The following DOCK9 variants were observed in gnomAD, a reference collection of about 807,000 sequenced individuals.
DOCK9 encodes dedicator of cytokinesis protein 9.
In DOCK9, 89 loss-of-function variants were observed where a neutral mutation model predicts 263.3. The ratio of observed to expected loss-of-function variants is 0.34; its 90% CI spans 0.28 to 0.40. DOCK9 has a LOEUF of 0.40. Among genes scored for constraint, DOCK9 ranks in the 10% least tolerant of loss-of-function variants. The pLI, the probability that DOCK9 is intolerant of heterozygous loss-of-function variation, is 1.00. For missense variants in DOCK9, 2,140 were observed against 2,603.4 expected (o/e 0.82, Z 3.87); for synonymous variants, 976 against 973.1 (o/e 1.00, Z -0.06).
chr13:99,039,807 G>C (rs542420717), intron 1 of DOCK9, among the ~76,000 whole-genome samples: 27 of 152,252 alleles, frequency 1.8e-4, no homozygotes, highest in African/African-American at 6.3e-4. Context: ...CTGTCCTATG[G>C]AGTTAAAAAT....
Position 98,855,976 on chromosome 13 carries a change from C to A in DOCK9, c.3753G>T (p.Ser1251=). Residue 1251 remains serine, a synonymous_variant, in exon 34 of 53, where the codon TCG becomes TCT. Transcript: ENST00000682017. ...PNINSVRNAD[S]RGSLISTDSG... Reference sequence around the variant, plus strand: ...AATCTGTGCTTATGAGAGATCCTCTCGAATCAGCATTTCTCACACTGTTGA... The same window carrying A: ...AATCTGTGCTTATGAGAGATCCTCTAGAATCAGCATTTCTCACACTGTTGA... 1.9e-6 allele frequency: 3 copies of A among 1,613,934 alleles called. No individual in the cohort carries two copies. In the South Asian group the frequency reaches 3.3e-5, roughly 18 times the overall value.
At chr13:98,802,211 T>C (rs143899565) in intron 49 of DOCK9, among the ~76,000 whole-genome samples, 235 of 152,344 alleles carry the variant, frequency 1.5e-3, no homozygotes, top group African/African-American at 5.3e-3. Flanking sequence ...ACCACGGTTA[T>C]ATTTACTCAT....
At position 98,942,238 on chromosome 13, in the gene DOCK9, T is replaced by G. The variant is rs534554206; in HGVS notation, c.244-11981A>C. Reference sequence around the variant, plus strand: ...TGGTTATGTTTTTTTTTTTGTTGTTTTTTTTTTTTGTTTTTTTGAGACAGA... The same window carrying G: ...TGGTTATGTTTTTTTTTTTGTTGTTGTTTTTTTTTGTTTTTTTGAGACAGA... On this transcript the variant is annotated intron_variant, in intron 2 of 52. Coordinates refer to ENST00000682017, the MANE Select transcript of DOCK9 (RefSeq NM_001366683.2). Among the ~76,000 whole-genome samples the G allele has an allele frequency of 2.3e-3, 345 of 150,798 alleles. 2 individuals are homozygous for G. Among genetic ancestry groups the G allele is most frequent in the African/African-American group, 4.3e-3 (177 of 40,956 alleles).
intron 49 of DOCK9, among the ~76,000 whole-genome samples, chr13:98,802,901 C>T (rs780391680): frequency 4.6e-5 from 7 of 152,110 alleles, no homozygotes; most frequent in Non-Finnish European, 8.8e-5. Flanking sequence ...AGCTCAACAG[C>T]GGATGAAATC....
chr13:99,038,139 G>A (rs1368836983), intron 1 of DOCK9, among the ~76,000 whole-genome samples: 2 of 151,908 alleles, frequency 1.3e-5, no homozygotes, highest in African/African-American at 4.8e-5. Context: ...TTGTCTTTAA[G>A]GCAATATTTT....
At chr13:98,962,945 G>T (rs1299447992) in intron 1 of DOCK9, among the ~76,000 whole-genome samples, 1 of 148,622 alleles carries the variant, frequency 6.7e-6, no homozygotes, top group Non-Finnish European at 1.5e-5. Flanking sequence ...ACAGCAGCAG[G>T]GTCTTGGATT....
upstream of DOCK9, among the ~76,000 whole-genome samples, chr13:98,979,240 G>A (rs1373147836): frequency 9.4e-6 from 1 of 105,938 alleles, no homozygotes. Flanking sequence ...AGCAGCAGCG[G>A]CGGCAGCAGC....
rs567351381 is a variant in DOCK9 at position 98,876,181 on chromosome 13, C to G, written c.2943+3717G>C. On this transcript the variant is annotated intron_variant, in intron 27 of 52. Coordinates refer to ENST00000682017, the MANE Select transcript of DOCK9 (RefSeq NM_001366683.2). ...GCTCCTACAACACTGGTGTGTGCCTCGTCATGACACTTCAAGAAAGGTTCC... is the reference window on the plus strand; with the variant it reads ...GCTCCTACAACACTGGTGTGTGCCTGGTCATGACACTTCAAGAAAGGTTCC... Among the ~76,000 whole-genome samples the G allele has an allele frequency of 2.0e-5, 3 of 152,286 alleles. No individual in the cohort carries two copies. In the East Asian group the frequency reaches 5.8e-4, roughly 29 times the overall value.
intron 25 of DOCK9, among the ~76,000 whole-genome samples, chr13:98,880,921 GCCA>G (rs1037975069): frequency 6.6e-6 from 1 of 152,020 alleles, no homozygotes; most frequent in Non-Finnish European, 1.5e-5. Flanking sequence ...CTCCACCTGT[GCCA>G]GGGGCTTCAA....
chr13:99,005,613 T>C (rs1223488080), intron 1 of DOCK9, among the ~76,000 whole-genome samples: 3 of 152,072 alleles, frequency 2.0e-5, no homozygotes, highest in Non-Finnish European at 4.4e-5. Context: ...CTGGGAAAAA[T>C]GGGTAGGAAA....
At chr13:99,026,395 A>G (rs1473297405) in intron 1 of DOCK9, among the ~76,000 whole-genome samples, 2 of 152,240 alleles carry the variant, frequency 1.3e-5, no homozygotes, top group Admixed American at 6.5e-5. Flanking sequence ...TTATCTTTCC[A>G]AAACATATCA....
chr13:98,990,191 TC>T (rs1879472307), intron 1 of DOCK9, among the ~76,000 whole-genome samples: 2 of 152,188 alleles, frequency 1.3e-5, no homozygotes, highest in Non-Finnish European at 2.9e-5. Context: ...TCTAAGGTTT[TC>T]CTTTCTCTCC....
intron 41 of DOCK9, among the ~76,000 whole-genome samples, chr13:98,830,481 G>T (rs1189749008): frequency 2.0e-5 from 3 of 152,194 alleles, no homozygotes; most frequent in African/African-American, 7.2e-5. Flanking sequence ...AATATGCAAT[G>T]ATTTGGATAT....
Position 98,826,001 on chromosome 13 carries a change from A to G in DOCK9, c.5023+829T>C, listed in dbSNP as rs560240600. 6 of 1,346,564 alleles carry G rather than the reference A, an allele frequency of 4.5e-6. No homozygotes were observed. The South Asian group carries it at 9.4e-5, about 21-fold the overall frequency. 83.4% of individuals were successfully genotyped at this position (1,346,564 alleles called of 1,614,324 possible). A position where few individuals can be genotyped will look rare whatever the true frequency, so the allele number is the denominator to read the frequency against. On this transcript the variant is annotated intron_variant, in intron 44 of 52. Coordinates refer to ENST00000682017, the MANE Select transcript of DOCK9 (RefSeq NM_001366683.2). ...CTCAACAGGAAATAGTACCGGTATTAAATGAACATGGAGCCCTTTCAAAAT... is the reference window on the plus strand; with the variant it reads ...CTCAACAGGAAATAGTACCGGTATTGAATGAACATGGAGCCCTTTCAAAAT...
chr13:98,904,867 A>T (rs2048848485), intron 9 of DOCK9, among the ~76,000 whole-genome samples, 161 bp from the exon 10 acceptor site: 1 of 152,252 alleles, frequency 6.6e-6, no homozygotes, highest in Admixed American at 6.5e-5. Context: ...TGCAGCACAC[A>T]AAGAAAGCAC....
At chr13:99,012,758 A>G (rs1418920541) in intron 1 of DOCK9, among the ~76,000 whole-genome samples, 2 of 152,196 alleles carry the variant, frequency 1.3e-5, no homozygotes, top group Non-Finnish European at 2.9e-5. Flanking sequence ...ACATTCAACC[A>G]TGAACCACAC....
At chr13:98,896,301 G>A (rs376569168) in intron 15 of DOCK9, among the ~76,000 whole-genome samples, 8 of 152,252 alleles carry the variant, frequency 5.3e-5, no homozygotes, top group South Asian at 2.1e-4. Flanking sequence ...TGACATGGAC[G>A]TGATTGGATT....
intron 2 of DOCK9, among the ~76,000 whole-genome samples, chr13:98,940,687 G>T (rs2055683423): frequency 8.2e-6 from 1 of 122,288 alleles, no homozygotes; most frequent in Admixed American, 9.9e-5. Flanking sequence ...GGCCTTCTCT[G>T]CCTCTCTAAC....
chr13:99,073,468 A>G (rs1354520848), intron 1 of DOCK9, among the ~76,000 whole-genome samples: 2 of 150,058 alleles, frequency 1.3e-5, no homozygotes, highest in African/African-American at 4.9e-5. Flanking sequence ...CCTCGGGTCG[A>G]TTTCTATTGC....
Sources: allele counts gnomAD v4.1 joint callset (sites outside exome capture counted in the v4.1 genomes callset), GRCh38; gene constraint gnomAD v4.1.1; transcripts MANE v1.5; gene names NCBI Gene and HGNC (gene_info 2026-07-23, HGNC 2026-07-21).